The following SLC4A9 variants were observed in gnomAD, a reference collection of about 807,000 sequenced individuals.
The protein encoded by SLC4A9 is solute carrier family 4 member 9, also known as anion exchange protein 4.
SLC4A9 carries 102 observed loss-of-function variants against 103.2 expected under a neutral mutation model. The ratio of observed to expected loss-of-function variants is 0.99; its 90% CI spans 0.84 to 1.17. The LOEUF (loss-of-function observed/expected upper bound fraction) is 1.17. Ranked by LOEUF, SLC4A9 falls within the 50% of genes most tolerant of loss-of-function variation. SLC4A9 has a pLI of 0.00. For missense variants in SLC4A9, 1,091 were observed against 1,193.7 expected, an observed-to-expected ratio of 0.91 and a Z score of 1.27; for synonymous variants, 453 against 483.6, an observed-to-expected ratio of 0.94 and a Z score of 0.83.
intron 14 of SLC4A9, among the ~76,000 whole-genome samples, chr5:140,366,824 G>C (rs1767963906): frequency 6.6e-6 from 1 of 152,116 alleles, no homozygotes; most frequent in South Asian, 2.1e-4. Context: ...TGCCTACCCT[G>C]ATCCAGGAAA....
chr5:140,365,484 A>C lies in SLC4A9; in HGVS notation c.1652-36A>C, dbSNP rs971141065. 4.5e-6 allele frequency: 7 copies of C among 1,571,832 alleles called. No homozygotes were observed. The East Asian group carries it at 6.8e-5, about 15-fold the overall frequency. ...TGGGGCTGGAGGAGGTTCCCAGGGG[A>C]GGGAACATACATCTGAATTCTTCTC... On this transcript the variant is annotated intron_variant, in intron 11 of 21. Coordinates refer to ENST00000506757, the MANE Select transcript of SLC4A9 (RefSeq NM_031467.3).
At chr5:140,362,232 G>A in intron 5 of SLC4A9, 58 bp downstream of exon 5, 2 of 1,458,050 alleles carry the variant, frequency 1.4e-6, no homozygotes, top group Non-Finnish European at 1.8e-6. Context: ...GGTCTTTACT[G>A]AGGAGGGGAA....
chr5:140,370,680 T>A (rs1244255200), intron 17 of SLC4A9, among the ~76,000 whole-genome samples: 1 of 151,874 alleles, frequency 6.6e-6, no homozygotes, highest in Non-Finnish European at 1.5e-5. Flanking sequence ...CATGAGAAAG[T>A]CTGGGGGAAG....
chr5:140,365,116 A>G (rs1767688335), intron 11 of SLC4A9, among the ~76,000 whole-genome samples: 1 of 152,168 alleles, frequency 6.6e-6, no homozygotes, highest in Admixed American at 6.5e-5. Flanking sequence ...GGCTTGGAGT[A>G]TTACACTTGC....
At position 140,363,340 on chromosome 5, in the gene SLC4A9, A is replaced by C. The variant is rs1383064287; in HGVS notation, c.963-99A>C. ...CGCCATGGTTCCCTCGCCGGCAGAG[A>C]CAAGAGCAGCCGCTAGGGGGCAGGG... is the stretch of plus-strand genomic sequence containing the variant. On this transcript the variant is annotated intron_variant, in intron 7 of 21. Transcript: ENST00000506757. The surrounding 1 kb of genome is among the most constrained non-coding windows in gnomAD (Gnocchi z 4.5). 2 of 1,178,204 alleles carry C rather than the reference A, an allele frequency of 1.7e-6. No homozygotes were observed. The highest frequency in any genetic ancestry group is 5.1e-5 in the East Asian group (2 of 38,956). 73.0% of individuals were successfully genotyped at this position (1,178,204 alleles called of 1,614,324 possible). A position where few individuals can be genotyped will look rare whatever the true frequency, so the allele number is the denominator to read the frequency against.
Position 140,366,171 on chromosome 5 carries a change from C to G in SLC4A9, c.1920C>G (p.Asp640Glu). The G allele has an allele frequency of 1.2e-6, 2 of 1,613,448 alleles. No homozygotes were observed. The highest frequency in any genetic ancestry group is 1.7e-6 in the Non-Finnish European group (2 of 1,179,574). ...GCCAGGTGCGCAAAGGGCTCAGCGACTTCTCCTCAGTCCTGGCCATCCTGC... is the reference window on the plus strand; with the variant it reads ...GCCAGGTGCGCAAAGGGCTCAGCGAGTTCTCCTCAGTCCTGGCCATCCTGC... ...FPSVVRKGLS[D>E]FSSVLAILLG... Residue 640 changes from aspartate (D) to glutamate (E), a missense_variant, in exon 14 of 22, where the codon GAC becomes GAG. Physicochemically the swap from Asp to Glu is conservative, Grantham distance 45. Coordinates refer to ENST00000506757, the MANE Select transcript of SLC4A9 (RefSeq NM_031467.3).
intron 6 of SLC4A9, 100 bp downstream of exon 6, chr5:140,362,632 G>A: frequency 8.1e-7 from 1 of 1,238,598 alleles, no homozygotes; most frequent in Non-Finnish European, 1.2e-6. Flanking sequence ...GTGTGTGTGT[G>A]TGGACTCTGT....
At chr5:140,368,040 C>A in intron 16 of SLC4A9, 142 bp downstream of exon 16, 1 of 842,976 alleles carries the variant, frequency 1.2e-6, no homozygotes. Flanking sequence ...GAGTTCTGGG[C>A]TCTGAGATGG....
chr5:140,364,625 G>C lies in SLC4A9; in HGVS notation c.1651G>C (p.Gly551Arg). ...CCTCTGCCAATACCCAGGCCCAGGA[G>C]GTGGGTAAGGGAAACAGGGACCTTG... is the stretch of plus-strand genomic sequence containing the variant. ...GCLCQYPGPG[G>R]NESQWIRTRP... Residue 551 changes from glycine to arginine, a missense_variant and splice_region_variant, in exon 11 of 22, where the codon GGA becomes CGA. Coordinates refer to ENST00000506757, the MANE Select transcript of SLC4A9 (RefSeq NM_031467.3). The C allele has an allele frequency of 6.3e-7, 1 of 1,598,532 alleles. No individual in the cohort carries two copies. Among genetic ancestry groups the C allele is most frequent in the Non-Finnish European group, 8.5e-7 (1 of 1,172,228 alleles).
intron 14 of SLC4A9, among the ~76,000 whole-genome samples, chr5:140,367,107 C>T (rs1354566497): frequency 1.3e-5 from 2 of 152,164 alleles, no homozygotes; most frequent in Non-Finnish European, 2.9e-5. Context: ...AGAGGGATCT[C>T]TAGGGAGCAG....
intron 17 of SLC4A9, among the ~76,000 whole-genome samples, chr5:140,369,414 C>T (rs143067829): frequency 2.6e-5 from 4 of 151,972 alleles, no homozygotes; most frequent in Admixed American, 2.6e-4. Flanking sequence ...GGGAGAAGTA[C>T]GGGTCAGTGG....
At chr5:140,367,126 A>G (rs567488510) in intron 14 of SLC4A9, among the ~76,000 whole-genome samples, 45 of 152,184 alleles carry the variant, frequency 3.0e-4, no homozygotes, top group Admixed American at 7.9e-4. Flanking sequence ...AGGGCTCTGT[A>G]CATCAAGAAG....
chr5:140,368,799 C>T (rs1768281668), intron 17 of SLC4A9, 140 bp downstream of exon 17: 1 of 633,678 alleles, frequency 1.6e-6, no homozygotes, highest in African/African-American at 1.9e-5. Flanking sequence ...TTAATCCTCA[C>T]ATTAACCCTG....
At position 140,368,569 on chromosome 5, in the gene SLC4A9, T is replaced by TC. The variant is rs1195261627; in HGVS notation, c.2355-16dup. The stretch of plus-strand genomic sequence containing the variant: ...GGGACTCTCCCAGACCTCAGCTAAC[T>TC]CCTCCCTCTCCCCACAGGGAACAGA... On this transcript the variant is annotated splice_polypyrimidine_tract_variant and intron_variant, in intron 16 of 21. Coordinates refer to ENST00000506757, the MANE Select transcript of SLC4A9 (RefSeq NM_031467.3). The TC allele has an allele frequency of 3.7e-6, 6 of 1,610,156 alleles. No individual in the cohort carries two copies. The highest frequency in any genetic ancestry group is 5.1e-6 in the Non-Finnish European group (6 of 1,178,366).
Position 140,372,398 on chromosome 5 carries a change from G to A in SLC4A9, c.2826+1G>A. On this transcript the variant is annotated splice_donor_variant, in intron 20 of 21. Coordinates refer to ENST00000506757, the MANE Select transcript of SLC4A9 (RefSeq NM_031467.3). LOFTEE classifies it high-confidence loss of function. ...ATTCAGTGGAAGTGACAGTGAAGATGTGAGCTCCAGGCTGGGTCCTCTCAG... is the reference window on the plus strand; with the variant it reads ...ATTCAGTGGAAGTGACAGTGAAGATATGAGCTCCAGGCTGGGTCCTCTCAG... 6.2e-7 allele frequency: 1 copy of A among 1,609,870 alleles called. No individual in the cohort carries two copies. Among genetic ancestry groups the A allele is most frequent in the Non-Finnish European group, 8.5e-7 (1 of 1,178,940 alleles).
intron 2 of SLC4A9, 26 bp from the exon 3 acceptor site, chr5:140,361,228 G>C: frequency 6.5e-7 from 1 of 1,537,326 alleles, no homozygotes; most frequent in East Asian, 2.4e-5. Flanking sequence ...TCTCAGGAAG[G>C]AGATGACCCC....
chr5:140,365,078 G>T (rs1264793877), intron 11 of SLC4A9, among the ~76,000 whole-genome samples: 1 of 152,210 alleles, frequency 6.6e-6, no homozygotes, highest in Non-Finnish European at 1.5e-5. Flanking sequence ...TGCTCTTCTG[G>T]GTGAGAGTGG....
At chr5:140,369,723 C>T (rs188095622) in intron 17 of SLC4A9, among the ~76,000 whole-genome samples, 15 of 152,214 alleles carry the variant, frequency 9.9e-5, no homozygotes, top group Admixed American at 5.9e-4. Context: ...TATGCTAGGC[C>T]GGGTGTGGTG....
At chr5:140,360,558 C>T in intron 1 of SLC4A9, 92 bp downstream of exon 1, 1 of 1,265,452 alleles carries the variant, frequency 7.9e-7, no homozygotes, top group Non-Finnish European at 1.1e-6. Context: ...TGGGGCTGCC[C>T]AAAATTAGGA....
Sources: allele counts gnomAD v4.1 joint callset (sites outside exome capture counted in the v4.1 genomes callset), GRCh38; gene constraint gnomAD v4.1.1; non-coding constraint Gnocchi (gnomAD v3.1); transcripts MANE v1.5; gene names NCBI Gene and HGNC (gene_info 2026-07-23, HGNC 2026-07-21).